Variants in PEX12 observed in about 807,000 individuals in gnomAD.
PEX12 encodes peroxisomal biogenesis factor 12.
A neutral mutation model predicts 32.5 loss-of-function variants in PEX12; 31 were observed. The ratio of observed to expected loss-of-function variants is 0.95; its 90% CI spans 0.72 to 1.29. The LOEUF (loss-of-function observed/expected upper bound fraction) is 1.29, where lower values mean the gene tolerates loss of function less well. Among genes scored for constraint, PEX12 ranks in the 50% most tolerant of loss-of-function variants. PEX12 has a pLI of 0.00. For missense variants in PEX12, 359 were observed against 419.0 expected (o/e 0.86, Z 1.25); for synonymous variants, 148 against 157.2 (o/e 0.94, Z 0.44).
At chr17:35,576,931 G>A in intron 2 of PEX12, 107 bp downstream of exon 2, 1 of 938,856 alleles carries the variant, frequency 1.1e-6, no homozygotes, top group Non-Finnish European at 1.7e-6. Context: ...GCTTTTCTAT[G>A]ACTCTATGAA....
In PEX12 at chr17:35,575,012, T is replaced by G. The variant is rs921705473; in HGVS notation, c.*770A>C. ...AATATCCTTTCTTTACACAATTAGA[T>G]TAGTATTTTGCTTCATGTCTTCATT... is the stretch of plus-strand genomic sequence containing the variant. On this transcript the variant is annotated 3_prime_UTR_variant, in exon 3 of 3. Transcript: ENST00000225873. 1.3e-5 allele frequency: 2 copies of G among 152,616 alleles called. No homozygotes were observed. The highest frequency in any genetic ancestry group is 1.3e-4 in the Admixed American group (2 of 15,276). 9.5% of individuals were successfully genotyped at this position (152,616 alleles called of 1,614,324 possible).
In PEX12 at chr17:35,578,068, T is replaced by C. The variant is rs2072798499; in HGVS notation, c.-47A>G. 6.2e-7 allele frequency: 1 copy of C among 1,613,120 alleles called. No individual in the cohort carries two copies. Among genetic ancestry groups the C allele is most frequent in the Non-Finnish European group, 8.5e-7 (1 of 1,179,464 alleles). ...TTCACTTTTCCCACAAACTCTCTCG[T>C]GAGCATGAACTTTTTCGGGAGGAAG... On this transcript the variant is annotated 5_prime_UTR_variant, in exon 1 of 3. Transcript: ENST00000225873.
chr17:35,576,575 A>G (rs1339499947), intron 2 of PEX12, among the ~76,000 whole-genome samples: 1 of 152,158 alleles, frequency 6.6e-6, no homozygotes, highest in Non-Finnish European at 1.5e-5. Context: ...GAACACAAAT[A>G]TGAACTAGAA....
At position 35,576,099 on chromosome 17, in the gene PEX12, C is replaced by T. The variant is rs746089337; in HGVS notation, c.763G>A (p.Val255Ile). Residue 255 changes from valine (V) to isoleucine (I), a missense_variant, in exon 3 of 3, where the codon GTA becomes ATA. Transcript: ENST00000225873. ...CAGTCAAGGAACTGCAAGAAGAATA[C>T]ACCCACAGAAAGGCCAGTAGACAGG... ...LSLSTGLSVG[V>I]FFLQFLDWWY... is the part of the protein sequence containing the mutation. The T allele has an allele frequency of 8.7e-6, 14 of 1,614,008 alleles. No homozygotes were observed. In the African/African-American group the frequency reaches 1.7e-4, roughly 20 times the overall value.
rs1465372378 is a variant in PEX12, at chr17:35,575,585, G to GT, written c.*196dup. 1.1e-4 allele frequency: 68 copies of GT among 622,662 alleles called. No homozygotes were observed. The South Asian group carries it at 1.1e-3, about 10-fold the overall frequency. The allele number at this position is 622,662 out of a possible 1,614,324, so 38.6% of individuals were successfully genotyped here. ...TCTACTTTAAGCAGCTTGGTCAACT[G>GT]TAAGTAGGGTTCTAGAGAGCAGGCT... On this transcript the variant is annotated 3_prime_UTR_variant, in exon 3 of 3. Coordinates refer to ENST00000225873, the MANE Select transcript of PEX12 (RefSeq NM_000286.3).
rs1385075190 is a variant in PEX12, at chr17:35,577,932, CATT to C, written c.87_89del (p.Met30del). ...GCTGAAGAGCGGGTCTCACTGCTGT[CATT>C]AAACTGTCCTGTGCTACCACCTCAA... is the stretch of plus-strand genomic sequence containing the variant. On this transcript the variant is annotated inframe_deletion, in exon 1 of 3. Transcript: ENST00000225873. 1 of 1,614,182 alleles carries C rather than the reference CATT, an allele frequency of 6.2e-7. No individual in the cohort carries two copies. The highest frequency in any genetic ancestry group is 1.7e-5 in the Admixed American group (1 of 60,024).
In PEX12 at chr17:35,577,896, C is replaced by T; in HGVS notation, c.126G>A (p.Lys42=). ...ACCTTTCCAAGAATTAATACCTTAC[C>T]TTGACCACATGCTGAAGAGCGGGTC... ...AVRPALQHVV[K]VLAESNPTHY... Residue 42 remains lysine, a splice_region_variant and synonymous_variant, in exon 1 of 3, where the codon AAG becomes AAA. Transcript: ENST00000225873. 6.2e-7 allele frequency: 1 copy of T among 1,614,122 alleles called. No homozygotes were observed. The highest frequency in any genetic ancestry group is 8.5e-7 in the Non-Finnish European group (1 of 1,180,026).
At position 35,578,058 on chromosome 17, in the gene PEX12, A is replaced by G. The variant is rs2072798323; in HGVS notation, c.-37T>C. On this transcript the variant is annotated 5_prime_UTR_variant, in exon 1 of 3. Transcript: ENST00000225873. ...TGTACTGGCTTTCACTTTTCCCACA[A>G]ACTCTCTCGTGAGCATGAACTTTTT... 5.0e-6 allele frequency: 8 copies of G among 1,613,436 alleles called. No homozygotes were observed. Among genetic ancestry groups the G allele is most frequent in the South Asian group, 3.3e-5 (3 of 90,984 alleles).
chr17:35,575,690 G>T lies in PEX12; in HGVS notation c.*92C>A. On this transcript the variant is annotated 3_prime_UTR_variant, in exon 3 of 3. Coordinates refer to ENST00000225873, the MANE Select transcript of PEX12 (RefSeq NM_000286.3). ...AAAGTTCATATAGTTATGAATTGAGGCTGAGAAGTGTCAACTCAATACCAT... is the reference window on the plus strand; with the variant it reads ...AAAGTTCATATAGTTATGAATTGAGTCTGAGAAGTGTCAACTCAATACCAT... 8.7e-7 allele frequency: 1 copy of T among 1,143,134 alleles called. No individual in the cohort carries two copies. Among genetic ancestry groups the T allele is most frequent in the Non-Finnish European group, 1.3e-6 (1 of 750,732 alleles). The allele number at this position is 1,143,134 out of a possible 1,614,324, so 70.8% of individuals were successfully genotyped here.
In PEX12 at chr17:35,577,096, T is replaced by C; in HGVS notation, c.622A>G (p.Ile208Val). The C allele has an allele frequency of 3.7e-6, 6 of 1,614,220 alleles. No individual in the cohort carries two copies. Among genetic ancestry groups the C allele is most frequent in the Non-Finnish European group, 5.1e-6 (6 of 1,180,020 alleles). Residue 208 changes from isoleucine to valine, a missense_variant, in exon 2 of 3, where the codon ATA (isoleucine) becomes GTA (valine). Physicochemically the swap from Ile to Val is conservative, Grantham distance 29. Transcript: ENST00000225873. ...VQLGRLTVQD[I>V]QALEHKPAKA... is the part of the protein sequence containing the mutation. ...GCTGGTTTGTGCTCCAGAGCTTGTA[T>C]ATCCTGAACTGTCAGTCGACCTAGC...
rs2072799866 is a variant in PEX12 at position 35,578,294 on chromosome 17, G to A, written c.-273C>T. The A allele has an allele frequency of 2.4e-5, 10 of 417,272 alleles. No homozygotes were observed. The highest frequency in any genetic ancestry group is 2.0e-4 in the South Asian group (10 of 50,478). 25.8% of individuals were successfully genotyped at this position (417,272 alleles called of 1,614,324 possible). On this transcript the variant is annotated 5_prime_UTR_variant, in exon 1 of 3. The change creates a new upstream start codon in the 5' untranslated region. Coordinates refer to ENST00000225873, the MANE Select transcript of PEX12 (RefSeq NM_000286.3). The stretch of plus-strand genomic sequence containing the variant: ...GGGGGTAACTTGTCAAATGCTGCAC[G>A]TCAGGGCAGAGCGTGACTGTGGGGG...
Position 35,575,981 on chromosome 17 carries a change from G to A in PEX12, c.881C>T (p.Ser294Phe). ...PPVHLDYNSD[S>F]PLLPKMKTVC... ...AGTCTTCATTTTGGGTAAGAGGGGAGAATCAGAGTTATAGTCTAGGTGTAC... is the reference window on the plus strand; with the variant it reads ...AGTCTTCATTTTGGGTAAGAGGGGAAAATCAGAGTTATAGTCTAGGTGTAC... The change falls in exon 3 of 3, where the codon TCT (serine) becomes TTT (phenylalanine). Residue 294 changes from serine (S) to phenylalanine (F), a missense_variant. Transcript: ENST00000225873. 2 of 1,614,150 alleles carry A rather than the reference G, an allele frequency of 1.2e-6. No homozygotes were observed. Among genetic ancestry groups the A allele is most frequent in the Non-Finnish European group, 1.7e-6 (2 of 1,179,994 alleles).
At position 35,578,121 on chromosome 17, in the gene PEX12, G is replaced by A; in HGVS notation, c.-100C>T. The stretch of plus-strand genomic sequence containing the variant: ...TATCAGATGGGTGCTCAGTCTTAAA[G>A]GTAAACTTTCTGCATGATATCTGAA... On this transcript the variant is annotated 5_prime_UTR_variant, in exon 1 of 3. Transcript: ENST00000225873. 1 of 1,451,030 alleles carries A rather than the reference G, an allele frequency of 6.9e-7. No homozygotes were observed. Among genetic ancestry groups the A allele is most frequent in the Non-Finnish European group, 9.6e-7 (1 of 1,037,834 alleles). The allele number at this position is 1,451,030 out of a possible 1,614,324, so 89.9% of individuals were successfully genotyped here.
Position 35,577,132 on chromosome 17 carries a change from C to A in PEX12, c.586G>T (p.Ala196Ser). 6.2e-7 allele frequency: 1 copy of A among 1,614,142 alleles called. No individual in the cohort carries two copies. The change falls in exon 2 of 3, where the codon GCT becomes TCT. Residue 196 changes from alanine to serine, a missense_variant. Coordinates refer to ENST00000225873, the MANE Select transcript of PEX12 (RefSeq NM_000286.3). ...GTCAGTCGACCTAGCTGAACTCCAG[C>A]CAGCCTCAGCAGTGGTGAGTGATGC... The part of the protein sequence containing the change: ...AQHHSPLLRL[A>S]GVQLGRLTVQ...
intron 1 of PEX12, 119 bp downstream of exon 1, chr17:35,577,777 G>A: frequency 1.4e-6 from 2 of 1,419,656 alleles, no homozygotes; most frequent in Non-Finnish European, 2.0e-6. Flanking sequence ...CTTAAGTCAT[G>A]GGATACAAGT....
chr17:35,576,213 G>C (rs200463087), intron 2 of PEX12, 32 bp from the exon 3 acceptor site: 117 of 1,606,876 alleles, frequency 7.3e-5, no homozygotes, highest in Non-Finnish European at 8.5e-6. Flanking sequence ...GAGGCAAAGA[G>C]AGAAACTTTA....
In PEX12 at chr17:35,577,444, T is replaced by C; in HGVS notation, c.274A>G (p.Ile92Val). Reference protein sequence around the residue: ...FSENFYGLKRIVMGDTHKSQR... With the variant: ...FSENFYGLKRVVMGDTHKSQR... ...GACTTGTGAGTGTCCCCCATTACAA[T>C]TCTCTTTAAGCCGTAAAAGTTTTCA... Residue 92 changes from isoleucine (I) to valine (V), a missense_variant, in exon 2 of 3, where the codon ATT becomes GTT. Ile to Val is a conservative substitution (Grantham distance 29). Transcript: ENST00000225873. 4 of 1,614,126 alleles carry C rather than the reference T, an allele frequency of 2.5e-6. No homozygotes were observed. Among genetic ancestry groups the C allele is most frequent in the Non-Finnish European group, 3.4e-6 (4 of 1,180,020 alleles).
chr17:35,576,032 G>C lies in PEX12; in HGVS notation c.830C>G (p.Thr277Ser). The C allele has an allele frequency of 6.2e-7, 1 of 1,614,162 alleles. No individual in the cohort carries two copies. Among genetic ancestry groups the C allele is most frequent in the Non-Finnish European group, 8.5e-7 (1 of 1,180,028 alleles). Residue 277 changes from threonine to serine, a missense_variant, in exon 3 of 3, where the codon ACT (threonine) becomes AGT (serine). Coordinates refer to ENST00000225873, the MANE Select transcript of PEX12 (RefSeq NM_000286.3). The stretch of plus-strand genomic sequence containing the variant: ...AGGTGGTGGTGGAGTAGGCAGGGCA[G>C]TCAATGACTTGATGGTTTCTTGATT... ...SENQETIKSL[T>S]ALPTPPPPVH...
rs555645908 is a variant in PEX12 at position 35,575,684 on chromosome 17, A to G, written c.*98T>C. The G allele has an allele frequency of 9.0e-7, 1 of 1,109,386 alleles. No individual in the cohort carries two copies. Among genetic ancestry groups the G allele is most frequent in the South Asian group, 1.2e-5 (1 of 80,194 alleles). The allele number at this position is 1,109,386 out of a possible 1,614,324, so 68.7% of individuals were successfully genotyped here. On this transcript the variant is annotated 3_prime_UTR_variant, in exon 3 of 3. Coordinates refer to ENST00000225873, the MANE Select transcript of PEX12 (RefSeq NM_000286.3). ...TCATTTAAAGTTCATATAGTTATGA[A>G]TTGAGGCTGAGAAGTGTCAACTCAA...
Sources: allele counts gnomAD v4.1 joint callset (sites outside exome capture counted in the v4.1 genomes callset), GRCh38; gene constraint gnomAD v4.1.1; transcripts MANE v1.5; gene names NCBI Gene and HGNC (gene_info 2026-07-23, HGNC 2026-07-21).